Variants in VSNL1 observed in about 807,000 individuals in gnomAD.
VSNL1 encodes the protein visinin like 1, also known as visinin-like protein 1.
A neutral mutation model predicts 20.4 loss-of-function variants in VSNL1; 6 were observed. The observed-to-expected ratio is 0.29, with a 90% CI of 0.16 to 0.58. The LOEUF is 0.58. Among genes scored for constraint, VSNL1 ranks in the 20% least tolerant of loss-of-function variants. The pLI is 0.90. For missense variants in VSNL1, 100 were observed against 234.5 expected, an observed-to-expected ratio of 0.43 and a Z score of 3.75; for synonymous variants, 93 against 86.4, an observed-to-expected ratio of 1.08 and a Z score of -0.42.
intron 1 of VSNL1, among the ~76,000 whole-genome samples, chr2:17,544,008 A>G (rs834504): frequency 0.29 from 44,468 of 151,962 alleles, 8,310 homozygotes; most frequent in East Asian, 0.87. Flanking sequence ...AGATACTCAC[A>G]ACTACCACAA....
At chr2:17,594,409 C>T (rs1040697949) in intron 2 of VSNL1, among the ~76,000 whole-genome samples, 2 of 151,862 alleles carry the variant, frequency 1.3e-5, no homozygotes, top group African/African-American at 4.8e-5. Flanking sequence ...AAATATGCCA[C>T]GTACACAGAA....
intron 1 of VSNL1, among the ~76,000 whole-genome samples, chr2:17,585,271 C>T (rs1414404597): frequency 1.3e-5 from 2 of 152,058 alleles, no homozygotes; most frequent in Non-Finnish European, 2.9e-5. Flanking sequence ...GTGGTCCACA[C>T]CCTCCCTGCC....
chr2:17,562,151 A>G (rs1663830680), intron 1 of VSNL1, among the ~76,000 whole-genome samples: 1 of 152,196 alleles, frequency 6.6e-6, no homozygotes, highest in Admixed American at 6.5e-5. Flanking sequence ...TCAAGCTCCC[A>G]AGGTTAGTAG....
intron 1 of VSNL1, among the ~76,000 whole-genome samples, chr2:17,566,180 T>G (rs985532510): frequency 1.4e-4 from 21 of 152,198 alleles, no homozygotes; most frequent in Admixed American, 1.3e-4. Flanking sequence ...GAACATTTAG[T>G]TATCTTTTCT....
At chr2:17,575,512 A>T (rs1309647292) in intron 1 of VSNL1, among the ~76,000 whole-genome samples, 1 of 151,936 alleles carries the variant, frequency 6.6e-6, no homozygotes, top group African/African-American at 2.4e-5. Flanking sequence ...AATTAAGTAG[A>T]TTTCACAAAT....
At chr2:17,562,714 G>A (rs753744020) in intron 1 of VSNL1, among the ~76,000 whole-genome samples, 1 of 152,196 alleles carries the variant, frequency 6.6e-6, no homozygotes, top group Non-Finnish European at 1.5e-5. Context: ...GCCCTCCAGA[G>A]CCATCAGGAA....
chr2:17,626,113 C>T (rs1015403039), intron 2 of VSNL1, among the ~76,000 whole-genome samples: 1 of 152,142 alleles, frequency 6.6e-6, no homozygotes, highest in Non-Finnish European at 1.5e-5. Flanking sequence ...GCCACCAGGC[C>T]CAGCCCCTTG....
At chr2:17,625,445 C>G (rs1219599973) in intron 2 of VSNL1, among the ~76,000 whole-genome samples, 1 of 152,200 alleles carries the variant, frequency 6.6e-6, no homozygotes, top group Admixed American at 6.5e-5. Flanking sequence ...AGCAATTGTG[C>G]TATGATGAAC....
intron 2 of VSNL1, among the ~76,000 whole-genome samples, chr2:17,622,778 C>A (rs1310735040): frequency 6.6e-6 from 1 of 152,132 alleles, no homozygotes; most frequent in Non-Finnish European, 1.5e-5. Context: ...CTCAGCAAAG[C>A]AACAGGGGGC....
chr2:17,619,508 C>A (rs1665296343), intron 2 of VSNL1, among the ~76,000 whole-genome samples: 1 of 152,142 alleles, frequency 6.6e-6, no homozygotes, highest in South Asian at 2.1e-4. Context: ...CTCAGCAGCC[C>A]CCGAGCCTTC....
chr2:17,602,234 A>G (rs143086357), intron 2 of VSNL1, among the ~76,000 whole-genome samples: 6 of 152,268 alleles, frequency 3.9e-5, no homozygotes, highest in South Asian at 2.1e-4. Context: ...TTGGTGTCCA[A>G]TTGGAAGGAT....
chr2:17,614,052 T>C (rs1665154949), intron 2 of VSNL1, among the ~76,000 whole-genome samples: 4 of 152,176 alleles, frequency 2.6e-5, no homozygotes, highest in Admixed American at 2.0e-4. Context: ...AAAGGCTTTC[T>C]GGAAGAAATC....
intron 2 of VSNL1, among the ~76,000 whole-genome samples, chr2:17,594,632 G>A (rs534787015): frequency 4.6e-5 from 7 of 152,278 alleles, no homozygotes; most frequent in African/African-American, 1.7e-4. Flanking sequence ...AGGCATCTTG[G>A]GATGCAACTG....
chr2:17,588,331 C>A (rs1664524272), intron 1 of VSNL1, among the ~76,000 whole-genome samples: 1 of 152,088 alleles, frequency 6.6e-6, no homozygotes, highest in Non-Finnish European at 1.5e-5. Flanking sequence ...GTTGGAAAGG[C>A]CTTAAAGATC....
At chr2:17,595,969 A>G (rs573825054) in intron 2 of VSNL1, among the ~76,000 whole-genome samples, 2 of 152,326 alleles carry the variant, frequency 1.3e-5, no homozygotes, top group East Asian at 3.9e-4. Flanking sequence ...CAAATATACC[A>G]CTGTTTATTT....
intron 2 of VSNL1, among the ~76,000 whole-genome samples, chr2:17,633,328 C>T (rs918526249): frequency 7.2e-6 from 1 of 138,338 alleles, no homozygotes; most frequent in Non-Finnish European, 1.5e-5. Context: ...AACCATATCA[C>T]CCCATCTTTA....
At chr2:17,610,584 T>A (rs1479329688) in intron 2 of VSNL1, among the ~76,000 whole-genome samples, 1 of 152,162 alleles carries the variant, frequency 6.6e-6, no homozygotes, top group East Asian at 1.9e-4. Flanking sequence ...CAAGGCAAGA[T>A]CCTAGATATT....
chr2:17,562,539 G>C, intron 1 of VSNL1, among the ~76,000 whole-genome samples: 1 of 152,170 alleles, frequency 6.6e-6, no homozygotes, highest in East Asian at 1.9e-4. Flanking sequence ...AGGGCAATGA[G>C]ATTATATAAG....
At chr2:17,586,865 A>G (rs1226954064) in intron 1 of VSNL1, among the ~76,000 whole-genome samples, 1 of 152,200 alleles carries the variant, frequency 6.6e-6, no homozygotes, top group Non-Finnish European at 1.5e-5. Context: ...TAGATGGAGG[A>G]AAAAAGCACA....
Sources: gnomAD v4.1 joint callset for allele counts (sites outside exome capture counted in the v4.1 genomes callset) on GRCh38, gnomAD v4.1.1 for gene constraint, MANE v1.5 for transcripts, NCBI Gene and HGNC (gene_info 2026-07-23, HGNC 2026-07-21) for gene names.